PARD6G: variants seen among roughly 807,000 people sequenced by gnomAD.
PARD6G encodes the protein partitioning defective 6 homolog gamma.
PARD6G carries 7 observed loss-of-function variants against 10.7 expected under a neutral mutation model. That is an observed-to-expected ratio of 0.66 (90% CI 0.37 to 1.23). PARD6G has a LOEUF of 1.23. Among genes scored for constraint, PARD6G ranks in the 50% most tolerant of loss-of-function variants. The pLI is 0.02. For missense variants in PARD6G, 548 were observed against 571.8 expected (o/e 0.96, Z 0.42); for synonymous variants, 287 against 269.4 (o/e 1.07, Z -0.64).
intron 1 of PARD6G, among the ~76,000 whole-genome samples, chr18:80,233,768 G>T (rs564447815): frequency 1.3e-5 from 2 of 152,140 alleles, no homozygotes; most frequent in Non-Finnish European, 2.9e-5. Flanking sequence ...ATGCACAGGC[G>T]TACTGTCCAT....
chr18:80,204,999 T>C (rs1381878991), intron 1 of PARD6G, among the ~76,000 whole-genome samples: 1 of 152,090 alleles, frequency 6.6e-6, no homozygotes, highest in Non-Finnish European at 1.5e-5. Flanking sequence ...CCACTTTCAA[T>C]GACTAATCAA....
At chr18:80,206,825 T>G (rs1043496303) in intron 1 of PARD6G, among the ~76,000 whole-genome samples, 9 of 152,208 alleles carry the variant, frequency 5.9e-5, no homozygotes, top group Non-Finnish European at 8.8e-5. Flanking sequence ...TATCAATAAA[T>G]ACTTAACAGT....
intron 2 of PARD6G, among the ~76,000 whole-genome samples, chr18:80,202,197 G>A (rs954433258): frequency 6.6e-6 from 1 of 152,212 alleles, no homozygotes; most frequent in African/African-American, 2.4e-5. Context: ...TGAGCAGTAT[G>A]AGGTCCCACA....
At chr18:80,213,726 A>G (rs969059948) in intron 1 of PARD6G, among the ~76,000 whole-genome samples, 61 of 152,066 alleles carry the variant, frequency 4.0e-4, no homozygotes, top group African/African-American at 1.4e-3. Context: ...TGGGAGGCCG[A>G]GGAGGGCGGA....
chr18:80,187,015 C>T (rs1263729664), intron 2 of PARD6G, among the ~76,000 whole-genome samples: 2 of 151,776 alleles, frequency 1.3e-5, no homozygotes, highest in East Asian at 1.9e-4. Flanking sequence ...AGGAGAATGG[C>T]GTGAACCCGG....
At chr18:80,203,556 A>C (rs1210628313) in intron 1 of PARD6G, among the ~76,000 whole-genome samples, 2 of 152,150 alleles carry the variant, frequency 1.3e-5, no homozygotes, top group African/African-American at 2.4e-5. Context: ...TGTAGGAAAA[A>C]GCAACGTCAA....
At chr18:80,226,151 G>GTTTTTTTTTTTT (rs10606939) in intron 1 of PARD6G, among the ~76,000 whole-genome samples, 1 of 76,570 alleles carries the variant, frequency 1.3e-5, no homozygotes, top group Admixed American at 1.6e-4. Context: ...AATGACTTCA[G>GTTTTTTTTTTTT]TTTTTTTTTT....
intron 2 of PARD6G, among the ~76,000 whole-genome samples, chr18:80,197,799 A>C (rs1430766224): frequency 6.6e-6 from 1 of 152,240 alleles, no homozygotes; most frequent in Admixed American, 6.5e-5. Context: ...CAGCTTCCCA[A>C]AACATTCCTG....
intron 1 of PARD6G, among the ~76,000 whole-genome samples, chr18:80,230,723 T>G (rs775519133): frequency 4.0e-5 from 6 of 151,572 alleles, no homozygotes; most frequent in Non-Finnish European, 8.8e-5. Context: ...ATGTAGGAGG[T>G]GGGAGGGGTA....
chr18:80,222,550 T>C (rs952669110), intron 1 of PARD6G, among the ~76,000 whole-genome samples: 1 of 152,130 alleles, frequency 6.6e-6, no homozygotes, highest in Non-Finnish European at 1.5e-5. Flanking sequence ...ACGAAAAACA[T>C]AGTTGAAGAA....
intron 2 of PARD6G, chr18:80,197,628 T>TAG (rs1208720822): frequency 2.0e-5 from 3 of 152,254 alleles, no homozygotes; most frequent in African/African-American, 7.2e-5. Flanking sequence ...AGTCCTGGGC[T>TAG]GTGCCTGGAG....
intron 2 of PARD6G, among the ~76,000 whole-genome samples, chr18:80,166,329 G>T (rs906858095): frequency 4.0e-5 from 6 of 151,236 alleles, no homozygotes; most frequent in Non-Finnish European, 5.9e-5. Context: ...CCCAGATGCA[G>T]GGCTGCAAGT....
At chr18:80,167,586 G>A (rs749000521) in intron 2 of PARD6G, among the ~76,000 whole-genome samples, 8 of 152,082 alleles carry the variant, frequency 5.3e-5, no homozygotes, top group Non-Finnish European at 7.4e-5. Flanking sequence ...GGGAGGAGGC[G>A]CTGCAGAGGG....
At chr18:80,212,566 T>A (rs188717214) in intron 1 of PARD6G, among the ~76,000 whole-genome samples, 7 of 152,314 alleles carry the variant, frequency 4.6e-5, no homozygotes, top group Admixed American at 2.6e-4. Flanking sequence ...TGTCAGTCAC[T>A]GATTCACCAA....
chr18:80,178,841 T>C (rs968028631), intron 2 of PARD6G, among the ~76,000 whole-genome samples: 2 of 152,054 alleles, frequency 1.3e-5, no homozygotes, highest in African/African-American at 4.8e-5. Flanking sequence ...CTTCCTCCCA[T>C]GTGTAGGAGC....
chr18:80,179,690 C>T (rs1374677215), intron 2 of PARD6G, among the ~76,000 whole-genome samples: 3 of 152,228 alleles, frequency 2.0e-5, no homozygotes, highest in Admixed American at 1.3e-4. Flanking sequence ...CTGTGCCTTC[C>T]GGGCAGCGAC....
At chr18:80,217,239 G>A (rs1967178484) in intron 1 of PARD6G, among the ~76,000 whole-genome samples, 1 of 152,172 alleles carries the variant, frequency 6.6e-6, no homozygotes, top group African/African-American at 2.4e-5. Context: ...TAAAATCCAT[G>A]ACTCCACAAT....
intron 1 of PARD6G, among the ~76,000 whole-genome samples, chr18:80,224,217 A>T (rs900175794): frequency 6.6e-6 from 1 of 152,214 alleles, no homozygotes; most frequent in Non-Finnish European, 1.5e-5. Context: ...ATCACCATTA[A>T]CACGATTATG....
intron 1 of PARD6G, among the ~76,000 whole-genome samples, chr18:80,208,473 C>T (rs1009598367): frequency 6.6e-6 from 1 of 152,186 alleles, no homozygotes; most frequent in South Asian, 2.1e-4. Context: ...GCAGGACTTA[C>T]AACAGGACGG....
Sources: allele counts gnomAD v4.1 joint callset (sites outside exome capture counted in the v4.1 genomes callset), GRCh38; gene constraint gnomAD v4.1.1; transcripts MANE v1.5; gene names NCBI Gene and HGNC (gene_info 2026-07-23, HGNC 2026-07-21).